The following GRM5 variants were observed in gnomAD, a reference collection of about 807,000 sequenced individuals.
GRM5 encodes glutamate metabotropic receptor 5, also known as metabotropic glutamate receptor 5.
GRM5 carries 19 observed loss-of-function variants against 83.1 expected under a neutral mutation model. The ratio of observed to expected loss-of-function variants is 0.23; its 90% CI spans 0.16 to 0.34. The LOEUF is 0.34. Ranked by LOEUF, GRM5 falls within the 10% of genes least tolerant of loss-of-function variation. GRM5 has a pLI of 1.00. For synonymous variants in GRM5, 675 were observed against 633.6 expected (o/e 1.07, Z -0.98); for missense variants, 1,160 against 1,588.3 (o/e 0.73, Z 4.58).
At position 88,605,731 on chromosome 11, in the gene GRM5, G is replaced by A. The variant is rs116432583; in HGVS notation, c.1148-767C>T. 7.3e-3 allele frequency among the ~76,000 whole-genome samples: 1,112 copies of A among 152,246 alleles called. 9 individuals are homozygous for A. Among genetic ancestry groups the A allele is most frequent in the African/African-American group, 0.026 (1,073 of 41,530 alleles). ...GAGGTAAAATCTATAGAGGCCCAAA[G>A]GAGTGAGAAATATCCCTTCCAATAG... On this transcript the variant is annotated intron_variant, in intron 4 of 9. Transcript: ENST00000305447.
chr11:89,008,909 C>A, intron 2 of GRM5: 1 of 515,080 alleles, frequency 1.9e-6, no homozygotes, highest in Non-Finnish European at 3.6e-6. Context: ...CTCTGTTATT[C>A]CTTTAGTTTG....
intron 3 of GRM5, among the ~76,000 whole-genome samples, chr11:88,670,715 T>C (rs975255132): frequency 1.3e-5 from 2 of 152,090 alleles, no homozygotes; most frequent in African/African-American, 4.8e-5. Flanking sequence ...TGGTTAACTT[T>C]AATCATTAGG....
intron 2 of GRM5, among the ~76,000 whole-genome samples, chr11:88,951,421 T>C (rs1471154246): frequency 6.6e-6 from 1 of 152,228 alleles, no homozygotes; most frequent in Non-Finnish European, 1.5e-5. Context: ...TCCTTGCAAG[T>C]GTGCAGGTTA....
intron 1 of GRM5, among the ~76,000 whole-genome samples, chr11:89,051,068 A>G (rs1013791310): frequency 6.6e-6 from 1 of 152,092 alleles, no homozygotes; most frequent in African/African-American, 2.4e-5. Context: ...TATGTAACAA[A>G]CCTGCACATG....
At chr11:88,982,132 C>G (rs572827416) in intron 2 of GRM5, among the ~76,000 whole-genome samples, 169 of 152,196 alleles carry the variant, frequency 1.1e-3, no homozygotes, top group African/African-American at 4.0e-3. Context: ...TTTTTTGTTT[C>G]TATCAAAATT....
chr11:88,572,313 G>A (rs1943020697), intron 7 of GRM5, among the ~76,000 whole-genome samples: 1 of 152,092 alleles, frequency 6.6e-6, no homozygotes, highest in South Asian at 2.1e-4. Context: ...GAATGAGAGA[G>A]GGAGAGAATA....
intron 2 of GRM5, among the ~76,000 whole-genome samples, chr11:88,961,873 G>A (rs1456974061): frequency 6.6e-6 from 1 of 152,184 alleles, no homozygotes; most frequent in Non-Finnish European, 1.5e-5. Flanking sequence ...TCAGTGAAAT[G>A]CTGTGCAGGA....
At chr11:88,792,623 T>G (rs2135476511) in intron 3 of GRM5, among the ~76,000 whole-genome samples, 1 of 152,094 alleles carries the variant, frequency 6.6e-6, no homozygotes, top group East Asian at 1.9e-4. Flanking sequence ...AAAGTTATCT[T>G]AAAGATGGGA....
chr11:88,571,663 C>T (rs978781430), intron 7 of GRM5, among the ~76,000 whole-genome samples: 1 of 152,152 alleles, frequency 6.6e-6, no homozygotes, highest in African/African-American at 2.4e-5. Flanking sequence ...CTATATTAGT[C>T]TTTGGTGCAA....
intron 2 of GRM5, among the ~76,000 whole-genome samples, chr11:88,881,429 G>A (rs201373439): frequency 2.5e-5 from 2 of 80,662 alleles, no homozygotes; most frequent in Non-Finnish European, 7.4e-5. Flanking sequence ...GAGGGCAAAA[G>A]ATAAACATCT....
intron 8 of GRM5, among the ~76,000 whole-genome samples, chr11:88,560,452 G>C (rs569009770): frequency 6.6e-6 from 1 of 152,134 alleles, no homozygotes; most frequent in African/African-American, 2.4e-5. Flanking sequence ...ATCTATCTCT[G>C]TATCCCTAGG....
intron 7 of GRM5, among the ~76,000 whole-genome samples, chr11:88,588,139 G>C (rs1225902597): frequency 2.0e-5 from 3 of 152,144 alleles, no homozygotes; most frequent in Non-Finnish European, 4.4e-5. Context: ...TTTCTTGTGT[G>C]CTTGGAAAAA....
chr11:89,041,242 G>T (rs1196093588), intron 2 of GRM5, among the ~76,000 whole-genome samples: 1 of 152,202 alleles, frequency 6.6e-6, no homozygotes, highest in African/African-American at 2.4e-5. Flanking sequence ...CTGTGGAAGT[G>T]TCCACAATTG....
At chr11:89,026,889 T>C (rs1941140770) in intron 2 of GRM5, among the ~76,000 whole-genome samples, 1 of 152,200 alleles carries the variant, frequency 6.6e-6, no homozygotes, top group Non-Finnish European at 1.5e-5. Context: ...TGAAGTCATA[T>C]GTTTTAAGTA....
chr11:88,992,980 C>T (rs185589561), intron 2 of GRM5, among the ~76,000 whole-genome samples: 2,085 of 150,924 alleles, frequency 0.014, 59 homozygotes, highest in Admixed American at 0.07. Context: ...CAAACCTGCA[C>T]GTTGTGCACA....
intron 2 of GRM5, among the ~76,000 whole-genome samples, chr11:89,017,866 A>G (rs1940897395): frequency 6.6e-6 from 1 of 152,192 alleles, no homozygotes; most frequent in African/African-American, 2.4e-5. Context: ...TAAGTGACCC[A>G]AGCATTTAGA....
chr11:88,787,849 T>C (rs1591516592), intron 3 of GRM5, among the ~76,000 whole-genome samples: 1 of 152,226 alleles, frequency 6.6e-6, no homozygotes, highest in East Asian at 1.9e-4. Flanking sequence ...AAAAAAGGGA[T>C]AGAAATTTGG....
rs1940644967 is a variant in GRM5, at chr11:89,009,918, A to AAC, written c.661+37293_661+37294insGT. On this transcript the variant is annotated intron_variant, in intron 2 of 9. Transcript: ENST00000305447. ...TCCGTCTCAAAAAAAAAAAAAAAAA[A>AAC]AAAAAAAAAAAACACACACAAAATC... is the stretch of plus-strand genomic sequence containing the variant. Among the ~76,000 whole-genome samples, 6 of 136,170 alleles carry AAC rather than the reference A, an allele frequency of 4.4e-5. 1 individual carries two copies. The highest frequency in any genetic ancestry group is 1.9e-4 in the African/African-American group (6 of 31,516). The allele number at this position is 136,170 out of a possible 152,430, so 89.3% of individuals were successfully genotyped here. A position where few individuals can be genotyped will look rare whatever the true frequency, so the allele number is the denominator to read the frequency against.
chr11:88,594,011 T>C (rs12798712), intron 6 of GRM5, among the ~76,000 whole-genome samples: 17,992 of 151,974 alleles, frequency 0.12, 1,412 homozygotes, highest in Non-Finnish European at 0.18. Context: ...AGCCAGATGG[T>C]CTCGATCTCC....
Sources: gnomAD v4.1 joint callset for allele counts (sites outside exome capture counted in the v4.1 genomes callset) on GRCh38, gnomAD v4.1.1 for gene constraint, MANE v1.5 for transcripts, NCBI Gene and HGNC (gene_info 2026-07-23, HGNC 2026-07-21) for gene names.